The following SMYD3 variants were observed in gnomAD, a reference collection of about 807,000 sequenced individuals.
SMYD3 encodes the protein SET and MYND domain containing 3.
A neutral mutation model predicts 57.7 loss-of-function variants in SMYD3; 36 were observed. The observed-to-expected ratio is 0.62, with a 90% CI of 0.48 to 0.82. The LOEUF (loss-of-function observed/expected upper bound fraction) is 0.82. SMYD3 is among the 40% of genes least tolerant of loss of function. The pLI is 0.00. For missense variants in SMYD3, 515 were observed against 538.8 expected (o/e 0.96, Z 0.44); for synonymous variants, 211 against 195.0 (o/e 1.08, Z -0.68).
chr1:246,114,988 C>G (rs368514687), intron 5 of SMYD3, among the ~76,000 whole-genome samples: 4 of 152,192 alleles, frequency 2.6e-5, no homozygotes, highest in South Asian at 2.1e-4. Flanking sequence ...GTGAAGCCAG[C>G]CTTAGCCAGT....
intron 5 of SMYD3, among the ~76,000 whole-genome samples, chr1:246,038,240 G>T (rs181594323): frequency 6.6e-6 from 1 of 152,156 alleles, no homozygotes; most frequent in Non-Finnish European, 1.5e-5. Context: ...GAATTTATCC[G>T]TAATTTATGG....
At chr1:245,789,686 C>T (rs1476454012) in intron 10 of SMYD3, among the ~76,000 whole-genome samples, 2 of 152,194 alleles carry the variant, frequency 1.3e-5, no homozygotes. Context: ...CCTATTTCCA[C>T]CATTTTCCAA....
At chr1:245,999,760 A>C (rs1217219948) in intron 5 of SMYD3, among the ~76,000 whole-genome samples, 1 of 152,222 alleles carries the variant, frequency 6.6e-6, no homozygotes, top group Non-Finnish European at 1.5e-5. Flanking sequence ...TAAATAGTAC[A>C]GGATACTACT....
rs548352644 is a variant in SMYD3, at chr1:245,838,649, G to A, written c.1076+19847C>T. Among the ~76,000 whole-genome samples, 12 of 152,302 alleles carry A rather than the reference G, an allele frequency of 7.9e-5. No homozygotes were observed. The East Asian group carries it at 2.3e-3, about 29-fold the overall frequency. On this transcript the variant is annotated intron_variant, in intron 10 of 11. Transcript: ENST00000490107. ...CAGAAATGGGAACAGAGTTTTCAAA[G>A]GGGCTCCTGCAAGTGGAAGGCCCTA... is the stretch of plus-strand genomic sequence containing the variant.
intron 1 of SMYD3, among the ~76,000 whole-genome samples, chr1:246,406,680 T>C (rs987523467): frequency 1.3e-5 from 2 of 152,224 alleles, no homozygotes; most frequent in Admixed American, 1.3e-4. Context: ...TGTGCCTATT[T>C]ATTTTCAAGT....
intron 5 of SMYD3, among the ~76,000 whole-genome samples, chr1:246,264,549 A>G (rs2064069319): frequency 6.6e-6 from 1 of 152,206 alleles, no homozygotes; most frequent in Non-Finnish European, 1.5e-5. Flanking sequence ...TCACACATCA[A>G]CAACATTCTA....
chr1:245,941,525 C>T (rs2095754), intron 5 of SMYD3, among the ~76,000 whole-genome samples: 120,717 of 152,016 alleles, frequency 0.79, 49,426 homozygotes, highest in Middle Eastern at 0.93. Flanking sequence ...ACATTTTTTT[C>T]GTTTGTTTGT....
At chr1:245,885,313 C>G (rs930929633) in intron 8 of SMYD3, among the ~76,000 whole-genome samples, 1 of 152,200 alleles carries the variant, frequency 6.6e-6, no homozygotes, top group Non-Finnish European at 1.5e-5. Flanking sequence ...AAGAACCCAC[C>G]GGAAGGAACC....
chr1:246,504,124 T>G (rs1052233154), intron 1 of SMYD3, among the ~76,000 whole-genome samples: 22 of 152,196 alleles, frequency 1.4e-4, no homozygotes. Flanking sequence ...CAGGTTCACC[T>G]TTCTCCATTA....
At chr1:246,330,921 G>C (rs2065449192) in intron 3 of SMYD3, among the ~76,000 whole-genome samples, 1 of 152,154 alleles carries the variant, frequency 6.6e-6, no homozygotes, top group Non-Finnish European at 1.5e-5. Flanking sequence ...GATTGCTTTA[G>C]CCCAGGAGTT....
chr1:246,124,370 A>G (rs2061473309), intron 5 of SMYD3, among the ~76,000 whole-genome samples: 1 of 152,214 alleles, frequency 6.6e-6, no homozygotes. Context: ...GAAAGAAAGA[A>G]AAGTTACTTC....
intron 10 of SMYD3, among the ~76,000 whole-genome samples, chr1:245,821,299 G>T (rs1343357989): frequency 6.6e-6 from 1 of 150,732 alleles, no homozygotes; most frequent in Non-Finnish European, 1.5e-5. Flanking sequence ...ATGGGGAAAG[G>T]ATTCCCTATT....
Position 246,045,053 on chromosome 1 carries a change from T to C in SMYD3, c.532-115116A>G, listed in dbSNP as rs145065573. Among the ~76,000 whole-genome samples, 310 of 152,326 alleles carry C rather than the reference T, an allele frequency of 2.0e-3. 3 individuals are homozygous for C. The highest frequency in any genetic ancestry group is 0.017 in the Middle Eastern group (5 of 294). On this transcript the variant is annotated intron_variant, in intron 5 of 11. Coordinates refer to ENST00000490107, the MANE Select transcript of SMYD3 (RefSeq NM_001167740.2). Reference sequence around the variant, plus strand: ...CTCAATATTGTGAAAACGGACATACTGCCCAAGGTAATTTATACATTCAAT... The same window carrying C: ...CTCAATATTGTGAAAACGGACATACCGCCCAAGGTAATTTATACATTCAAT...
At chr1:246,459,308 T>C (rs1000882531) in intron 1 of SMYD3, among the ~76,000 whole-genome samples, 1 of 149,254 alleles carries the variant, frequency 6.7e-6, no homozygotes, top group South Asian at 2.1e-4. Context: ...GCTCCTGCTC[T>C]GCTGTTCTCA....
chr1:245,982,001 G>A lies in SMYD3; in HGVS notation c.532-52064C>T, dbSNP rs143498008. 3.7e-3 allele frequency among the ~76,000 whole-genome samples: 564 copies of A among 152,302 alleles called. 4 individuals are homozygous for A. Among genetic ancestry groups the A allele is most frequent in the African/African-American group, 0.013 (536 of 41,576 alleles). On this transcript the variant is annotated intron_variant, in intron 5 of 11. Coordinates refer to ENST00000490107, the MANE Select transcript of SMYD3 (RefSeq NM_001167740.2). ...GGTCATGGGGACCTTGAGCACGTGG[G>A]GTCTTCTTTTAGGAGGGTTTGTGGA...
chr1:246,415,450 C>T (rs891960700), intron 1 of SMYD3, among the ~76,000 whole-genome samples: 1 of 152,112 alleles, frequency 6.6e-6, no homozygotes, highest in Non-Finnish European at 1.5e-5. Flanking sequence ...CACAACAATC[C>T]CATTATTAGT....
intron 5 of SMYD3, among the ~76,000 whole-genome samples, chr1:246,204,185 C>A (rs1369670382): frequency 1.3e-5 from 2 of 152,146 alleles, no homozygotes; most frequent in Admixed American, 1.3e-4. Context: ...TGTAAGTGGG[C>A]CAAATAAAAT....
intron 5 of SMYD3, among the ~76,000 whole-genome samples, chr1:246,226,664 C>G (rs948474153): frequency 2.6e-5 from 4 of 152,130 alleles, no homozygotes; most frequent in African/African-American, 9.7e-5. Flanking sequence ...TAGAGTGGAA[C>G]TGGGAAACAG....
intron 1 of SMYD3, among the ~76,000 whole-genome samples, chr1:246,415,971 G>A (rs994743134): frequency 1.3e-5 from 2 of 152,158 alleles, no homozygotes; most frequent in Admixed American, 6.5e-5. Context: ...AAGTACACTA[G>A]ACTGGAAGTT....
Sources: allele counts gnomAD v4.1 joint callset (sites outside exome capture counted in the v4.1 genomes callset), GRCh38; gene constraint gnomAD v4.1.1; transcripts MANE v1.5; gene names NCBI Gene and HGNC (gene_info 2026-07-23, HGNC 2026-07-21).